Variants in DNAJC6 observed in about 807,000 individuals in gnomAD.
DNAJC6 encodes auxilin.
Under a neutral mutation model 110.0 loss-of-function variants are expected in DNAJC6, and 34 were observed. The observed-to-expected ratio is 0.31, with a 90% CI of 0.24 to 0.41. The LOEUF is 0.41. Ranked by LOEUF, DNAJC6 falls within the 10% of genes least tolerant of loss-of-function variation. The probability of loss-of-function intolerance (pLI) is 1.00; values close to 1 mark genes in which losing one functional copy is unlikely to be tolerated. For missense variants in DNAJC6, 1,031 were observed against 1,207.8 expected (o/e 0.85, Z 2.17); for synonymous variants, 406 against 437.2 (o/e 0.93, Z 0.89).
intron 8 of DNAJC6, among the ~76,000 whole-genome samples, chr1:65,387,615 G>A (rs1461293920): frequency 6.6e-6 from 1 of 152,182 alleles, no homozygotes; most frequent in African/African-American, 2.4e-5. Context: ...GTTATAGCAT[G>A]TGTCAGTACT....
chr1:65,367,836 C>T (rs930720818), intron 4 of DNAJC6, among the ~76,000 whole-genome samples: 3 of 150,374 alleles, frequency 2.0e-5, no homozygotes, highest in African/African-American at 7.3e-5. Context: ...AACACCTACC[C>T]TGGGCTGCTC....
At chr1:65,408,440 A>G (rs918610583) in intron 16 of DNAJC6, among the ~76,000 whole-genome samples, 2 of 152,174 alleles carry the variant, frequency 1.3e-5, no homozygotes, top group Non-Finnish European at 2.9e-5. Flanking sequence ...TGCCACATAT[A>G]TGATTCTGGA....
intron 1 of DNAJC6, among the ~76,000 whole-genome samples, chr1:65,330,960 TTCTC>T (rs779260623): frequency 2.0e-4 from 31 of 152,350 alleles, no homozygotes; most frequent in Non-Finnish European, 2.4e-4. Flanking sequence ...GGCTTACTTT[TTCTC>T]TCTGAGAAAC....
chr1:65,328,931 A>G (rs1201244047), intron 1 of DNAJC6, among the ~76,000 whole-genome samples: 1 of 151,680 alleles, frequency 6.6e-6, no homozygotes. Context: ...TCCACTGGAA[A>G]CTCTTGTCTG....
At chr1:65,400,129 G>C (rs959176247) in intron 14 of DNAJC6, among the ~76,000 whole-genome samples, 1 of 151,440 alleles carries the variant, frequency 6.6e-6, no homozygotes, top group Non-Finnish European at 1.5e-5. Flanking sequence ...GCAGTGAGCC[G>C]AGATCACACC....
chr1:65,270,809 G>C (rs1021733936), intron 1 of DNAJC6, among the ~76,000 whole-genome samples: 1 of 152,076 alleles, frequency 6.6e-6, no homozygotes, highest in Non-Finnish European at 1.5e-5. Context: ...CTCCCTAGTA[G>C]CTGGAATTAC....
At chr1:65,285,415 T>G (rs1653984107) in intron 1 of DNAJC6, among the ~76,000 whole-genome samples, 1 of 152,202 alleles carries the variant, frequency 6.6e-6, no homozygotes, top group African/African-American at 2.4e-5. Context: ...AATTTATTCT[T>G]TGTCAAAGAC....
intron 4 of DNAJC6, among the ~76,000 whole-genome samples, chr1:65,367,635 T>C (rs1342896069): frequency 1.3e-5 from 2 of 152,178 alleles, no homozygotes; most frequent in Non-Finnish European, 2.9e-5. Flanking sequence ...TGGAGCATTT[T>C]CCCTCTGAAA....
chr1:65,339,263 A>C (rs575499258), intron 1 of DNAJC6, among the ~76,000 whole-genome samples: 2 of 152,342 alleles, frequency 1.3e-5, no homozygotes, highest in East Asian at 3.9e-4. Flanking sequence ...TAAGCTGCTT[A>C]TCTAAAGAAA....
rs10889544 is a variant in DNAJC6 at position 65,330,655 on chromosome 1, G to A, written c.193+20717G>A. Among the ~76,000 whole-genome samples, 1,124 of 152,234 alleles carry A rather than the reference G, an allele frequency of 7.4e-3. 10 individuals are homozygous for A. The highest frequency in any genetic ancestry group is 0.01 in the Non-Finnish European group (714 of 68,018). The stretch of plus-strand genomic sequence containing the variant: ...GCTAATTTTGTGTATTTTTAGTAGA[G>A]ATAGGGTTTCACCGTGTTAGCCAGG... On this transcript the variant is annotated intron_variant, in intron 1 of 18. Transcript: ENST00000371069.
chr1:65,358,028 A>T (rs1188744317), intron 1 of DNAJC6, among the ~76,000 whole-genome samples: 1 of 151,904 alleles, frequency 6.6e-6, no homozygotes, highest in African/African-American at 2.4e-5. Context: ...AAAATACAAA[A>T]ATTAGCTGGG....
intron 1 of DNAJC6, among the ~76,000 whole-genome samples, chr1:65,355,330 AAG>A (rs1211691741): frequency 3.9e-5 from 6 of 151,988 alleles, no homozygotes; most frequent in Non-Finnish European, 7.4e-5. Flanking sequence ...TTGCAGTACA[AAG>A]AGAGTTGGGT....
Position 65,384,194 on chromosome 1 carries a change from A to T in DNAJC6, c.668A>T (p.Asp223Val). The change falls in exon 6 of 19, where the codon GAT becomes GTT. Residue 223 changes from aspartate (D) to valine (V), a missense_variant and splice_region_variant. Physicochemically the swap from Asp to Val is radical, Grantham distance 152 (BLOSUM62 -3). Transcript: ENST00000371069. ...PKNVCVVHCLDGRAASSILVG... is the reference protein window; with the variant it reads ...PKNVCVVHCLVGRAASSILVG... ...GATTTTATGCATTTTCTTTGACAGG[A>T]TGGACGGGCGGCATCATCAATTCTG... is the stretch of plus-strand genomic sequence containing the variant. 6.6e-7 allele frequency: 1 copy of T among 1,507,500 alleles called. No homozygotes were observed. The highest frequency in any genetic ancestry group is 8.8e-7 in the Non-Finnish European group (1 of 1,130,078). 93.4% of individuals were successfully genotyped at this position (1,507,500 alleles called of 1,614,324 possible). A position where few individuals can be genotyped will look rare whatever the true frequency, so the allele number is the denominator to read the frequency against.
chr1:65,302,737 T>G (rs991219609), intron 1 of DNAJC6, among the ~76,000 whole-genome samples: 1 of 150,678 alleles, frequency 6.6e-6, no homozygotes, highest in Non-Finnish European at 1.5e-5. Context: ...GGGTTTCACC[T>G]TGTTAGCCAG....
In DNAJC6 at chr1:65,364,610, G is replaced by GTTTT. The variant is rs753560538; in HGVS notation, c.194-22_194-21insTTTT. 346 of 1,442,266 alleles carry GTTTT rather than the reference G, an allele frequency of 2.4e-4. 17 individuals carry two copies. The East Asian group carries it at 3.0e-3, about 13-fold the overall frequency. The allele number at this position is 1,442,266 out of a possible 1,614,324, so 89.3% of individuals were successfully genotyped here. A position where few individuals can be genotyped will look rare whatever the true frequency, so the allele number is the denominator to read the frequency against. ...TTCTCTGCCATCACCATTTTTGTTT[G>GTTTT]TTTGTTTTTTTTTTTTTTTGGCAGG... On this transcript the variant is annotated intron_variant, in intron 1 of 18. Transcript: ENST00000371069.
rs541544388 is a variant in DNAJC6 at position 65,299,796 on chromosome 1, TCCCA to T, written c.-131+34865_-131+34868del. Among the ~76,000 whole-genome samples the T allele has an allele frequency of 4.5e-4, 68 of 152,164 alleles. No homozygotes were observed. In the South Asian group the frequency reaches 0.013, roughly 29 times the overall value. ...CAGGCACGGTGGCTCATGCCTGCAA[TCCCA>T]GCACTTTGGGAGGCCGAGGTAGGCG... On this transcript the variant is annotated intron_variant, in intron 1 of 19. Coordinates refer to the DNAJC6 transcript ENST00000263441.
At chr1:65,343,967 GC>G (rs1035608662) in intron 1 of DNAJC6, among the ~76,000 whole-genome samples, 1 of 152,150 alleles carries the variant, frequency 6.6e-6, no homozygotes. Flanking sequence ...CCAATTGATG[GC>G]AGTTGGGTTT....
intron 13 of DNAJC6, 35 bp from the exon 14 acceptor site, chr1:65,398,778 C>T (rs1279083384): frequency 1.2e-6 from 2 of 1,612,476 alleles, no homozygotes; most frequent in East Asian, 2.2e-5. Context: ...TCTGAGCTCT[C>T]TTGTTCTCAT....
intron 10 of DNAJC6, 30 bp downstream of exon 10, chr1:65,389,479 A>G (rs766206503): frequency 4.3e-6 from 7 of 1,613,576 alleles, no homozygotes; most frequent in Middle Eastern, 1.7e-4. Context: ...TTTGTTTTTC[A>G]GGATGAAGCC....
Sources: gnomAD v4.1 joint callset for allele counts (sites outside exome capture counted in the v4.1 genomes callset) on GRCh38, gnomAD v4.1.1 for gene constraint, MANE v1.5 for transcripts, NCBI Gene and HGNC (gene_info 2026-07-23, HGNC 2026-07-21) for gene names.